ZRANB3: variants seen among roughly 807,000 people sequenced by gnomAD.
ZRANB3 encodes DNA annealing helicase and endonuclease ZRANB3.
In ZRANB3, 125 loss-of-function variants were observed where a neutral mutation model predicts 133.8. That is an observed-to-expected ratio of 0.93 (90% CI 0.81 to 1.08). The LOEUF is 1.08. Ranked by LOEUF, ZRANB3 falls within the 50% of genes least tolerant of loss-of-function variation. The pLI, the probability that ZRANB3 is intolerant of heterozygous loss-of-function variation, is 0.00. For missense variants in ZRANB3, 1,229 were observed against 1,275.5 expected, an observed-to-expected ratio of 0.96 and a Z score of 0.56; for synonymous variants, 387 against 432.7, an observed-to-expected ratio of 0.89 and a Z score of 1.31.
At chr2:135,364,306 G>A (rs566517912) in intron 3 of ZRANB3, among the ~76,000 whole-genome samples, 17 of 152,210 alleles carry the variant, frequency 1.1e-4, no homozygotes, top group African/African-American at 3.9e-4. Context: ...ATAAAAACAC[G>A]AAAAACACTT....
intron 1 of ZRANB3, among the ~76,000 whole-genome samples, chr2:135,516,583 C>T (rs1424330252): frequency 1.3e-5 from 2 of 152,082 alleles, no homozygotes; most frequent in South Asian, 2.1e-4. Context: ...TTAAGAATGA[C>T]GAATATTGGA....
intron 3 of ZRANB3, among the ~76,000 whole-genome samples, chr2:135,360,943 G>C (rs963551694): frequency 2.6e-5 from 4 of 151,774 alleles, no homozygotes; most frequent in African/African-American, 9.7e-5. Context: ...TGGTTTGTTT[G>C]TTTGTTTGTT....
At chr2:135,521,423 T>C (rs996039619) in intron 1 of ZRANB3, among the ~76,000 whole-genome samples, 1 of 152,138 alleles carries the variant, frequency 6.6e-6, no homozygotes, top group Non-Finnish European at 1.5e-5. Context: ...GGCAAGCTAC[T>C]TGGGAGGCTG....
Position 135,475,491 on chromosome 2 carries a change from G to C in ZRANB3, c.161+28838C>G, listed in dbSNP as rs145477077. Among the ~76,000 whole-genome samples, 27 of 152,298 alleles carry C rather than the reference G, an allele frequency of 1.8e-4. 1 individual carries two copies. Among genetic ancestry groups the C allele is most frequent in the Admixed American group, 1.6e-3 (24 of 15,302 alleles). On this transcript the variant is annotated intron_variant, in intron 2 of 20. Transcript: ENST00000264159. ...ATGTTGTCATGCTCAATTTCATAGA[G>C]TTTTAAGAGTATACCCATGATCATA...
Position 135,436,059 on chromosome 2 carries a change from C to A in ZRANB3, c.162-45239G>T, listed in dbSNP as rs150908676. Among the ~76,000 whole-genome samples the A allele has an allele frequency of 2.1e-3, 313 of 152,266 alleles. 2 individuals are homozygous for A. The highest frequency in any genetic ancestry group is 6.8e-3 in the African/African-American group (281 of 41,546). ...ATCTTTGTTATGGAATCTTTGTCCA[C>A]TCCTGTGTCTAGGATTGTACTGCCT... is the stretch of plus-strand genomic sequence containing the variant. On this transcript the variant is annotated intron_variant, in intron 2 of 20. Transcript: ENST00000264159.
intron 3 of ZRANB3, among the ~76,000 whole-genome samples, chr2:135,384,303 G>A: frequency 6.6e-6 from 1 of 152,146 alleles, no homozygotes; most frequent in South Asian, 2.1e-4. Flanking sequence ...GGAAGAAGTT[G>A]AATCTCTGAA....
At chr2:135,523,966 T>G (rs961258002) in intron 1 of ZRANB3, among the ~76,000 whole-genome samples, 1 of 152,242 alleles carries the variant, frequency 6.6e-6, no homozygotes, top group Non-Finnish European at 1.5e-5. Context: ...GATAAGCATT[T>G]AGAAGTTATC....
chr2:135,284,953 C>A (rs1032158519), intron 8 of ZRANB3, among the ~76,000 whole-genome samples: 1 of 151,712 alleles, frequency 6.6e-6, no homozygotes, highest in African/African-American at 2.4e-5. Context: ...TCAAGCAATT[C>A]TCCTGCCTCA....
At position 135,224,516 on chromosome 2, in the gene ZRANB3, T is replaced by C; in HGVS notation, c.2160A>G (p.Glu720=). The change falls in exon 15 of 21, where the codon GAA becomes GAG. Residue 720 remains glutamate, a splice_region_variant and synonymous_variant. Coordinates refer to ENST00000264159, the MANE Select transcript of ZRANB3 (RefSeq NM_032143.4). ...EDGLTSQPGN[E]QWKSSDTLPV... ...GCAAAGTGTCTGAACTCTTCCACTG[T>C]TCTATTAAAGAAGACAAAAGAGAAC... 1.2e-6 allele frequency: 2 copies of C among 1,610,390 alleles called. No homozygotes were observed. The highest frequency in any genetic ancestry group is 1.7e-6 in the Non-Finnish European group (2 of 1,177,938).
At position 135,224,496 on chromosome 2, in the gene ZRANB3, G is replaced by A. The variant is rs1394082414; in HGVS notation, c.2180C>T (p.Thr727Ile). The A allele has an allele frequency of 6.2e-6, 10 of 1,612,978 alleles. No individual in the cohort carries two copies. Among genetic ancestry groups the A allele is most frequent in the Non-Finnish European group, 8.5e-6 (10 of 1,179,346 alleles). The part of the protein sequence containing the change: ...PGNEQWKSSD[T>I]LPVYDTLMFC... ...CATTAAGGTGTCATACACTGGCAAA[G>A]TGTCTGAACTCTTCCACTGTTCTAT... Residue 727 changes from threonine (T) to isoleucine (I), a missense_variant, in exon 15 of 21, where the codon ACT (threonine) becomes ATT (isoleucine). Transcript: ENST00000264159.
At chr2:135,467,227 T>C (rs570140400) in intron 2 of ZRANB3, among the ~76,000 whole-genome samples, 12 of 152,306 alleles carry the variant, frequency 7.9e-5, no homozygotes, top group Admixed American at 7.8e-4. Context: ...ATCTCACTTT[T>C]TCCTTTGTAC....
At chr2:135,363,606 A>G (rs1685789457) in intron 3 of ZRANB3, among the ~76,000 whole-genome samples, 1 of 152,242 alleles carries the variant, frequency 6.6e-6, no homozygotes, top group Non-Finnish European at 1.5e-5. Flanking sequence ...TGAGAGCCCA[A>G]CACAGCACAA....
intron 12 of ZRANB3, among the ~76,000 whole-genome samples, chr2:135,241,655 G>A (rs2105083290): frequency 6.6e-6 from 1 of 152,168 alleles, no homozygotes; most frequent in Admixed American, 6.5e-5. Context: ...TGAACATGAG[G>A]GGTGAGGAAG....
intron 2 of ZRANB3, among the ~76,000 whole-genome samples, chr2:135,492,881 G>C (rs1692453196): frequency 6.6e-6 from 1 of 151,322 alleles, no homozygotes; most frequent in Admixed American, 6.6e-5. Context: ...TGGAAGAAGG[G>C]TGACAATAGA....
At chr2:135,502,602 A>C (rs1382429398) in intron 2 of ZRANB3, among the ~76,000 whole-genome samples, 2 of 152,218 alleles carry the variant, frequency 1.3e-5, no homozygotes, top group Non-Finnish European at 2.9e-5. Flanking sequence ...ACCAAGTCTA[A>C]ACCTAAAGCG....
intron 2 of ZRANB3, among the ~76,000 whole-genome samples, chr2:135,470,138 A>AAGTAG (rs59776368): frequency 0.1 from 15,823 of 151,450 alleles, 1,075 homozygotes; most frequent in South Asian, 0.32. Flanking sequence ...CAGCCTCACA[A>AAGTAG]ACATGGCGAA....
At chr2:135,407,680 T>C (rs1415912214) in intron 2 of ZRANB3, among the ~76,000 whole-genome samples, 1 of 151,650 alleles carries the variant, frequency 6.6e-6, no homozygotes, top group Non-Finnish European at 1.5e-5. Flanking sequence ...ATATCTACAG[T>C]CATCTGATCT....
chr2:135,325,196 AC>A (rs1005801562), intron 6 of ZRANB3, among the ~76,000 whole-genome samples: 2 of 152,198 alleles, frequency 1.3e-5, no homozygotes, highest in Admixed American at 1.3e-4. Context: ...AGCCAAAACA[AC>A]CTTGAAAAAG....
intron 1 of ZRANB3, among the ~76,000 whole-genome samples, chr2:135,507,873 C>T (rs1693264464): frequency 6.6e-6 from 1 of 151,680 alleles, no homozygotes; most frequent in Non-Finnish European, 1.5e-5. Flanking sequence ...ACTGCTTGAG[C>T]CCAGGAATTT....
Sources: gnomAD v4.1 joint callset for allele counts (sites outside exome capture counted in the v4.1 genomes callset) on GRCh38, gnomAD v4.1.1 for gene constraint, MANE v1.5 for transcripts, NCBI Gene and HGNC (gene_info 2026-07-23, HGNC 2026-07-21) for gene names.